The following TOGARAM1 variants were observed in gnomAD, a reference collection of about 807,000 sequenced individuals.
The protein encoded by TOGARAM1 is TOG array regulator of axonemal microtubules 1.
A neutral mutation model predicts 166.6 loss-of-function variants in TOGARAM1; 100 were observed. The ratio of observed to expected loss-of-function variants is 0.60; its 90% confidence interval spans 0.51 to 0.71. The LOEUF (loss-of-function observed/expected upper bound fraction) is 0.71, where lower values mean the gene tolerates loss of function less well. Ranked by LOEUF, TOGARAM1 falls within the 30% of genes least tolerant of loss-of-function variation. TOGARAM1 has a pLI of 0.00. For synonymous variants in TOGARAM1, 758 were observed against 763.8 expected, an observed-to-expected ratio of 0.99 and a Z score of 0.13; for missense variants, 2,029 against 2,102.7, an observed-to-expected ratio of 0.96 and a Z score of 0.69.
At chr14:45,054,637 T>A in intron 16 of TOGARAM1, 88 bp downstream of exon 16, 1 of 902,892 alleles carries the variant, frequency 1.1e-6, no homozygotes, top group South Asian at 1.8e-5. Flanking sequence ...ACCCCAGGGG[T>A]ATTTGCCAAA....
intron 8 of TOGARAM1, 79 bp downstream of exon 8, chr14:45,025,951 G>T: frequency 1.4e-6 from 1 of 698,026 alleles, no homozygotes; most frequent in Non-Finnish European, 2.4e-6. Context: ...GAATAGAAAA[G>T]AATGTGATTC....
chr14:45,034,554 C>T (rs917811754), intron 11 of TOGARAM1, among the ~76,000 whole-genome samples: 2 of 152,118 alleles, frequency 1.3e-5, no homozygotes, highest in African/African-American at 2.4e-5. Flanking sequence ...ATGTCAGGAG[C>T]ATATACAATG....
intron 7 of TOGARAM1, among the ~76,000 whole-genome samples, chr14:45,024,077 A>G (rs144905213): frequency 7.2e-5 from 11 of 152,276 alleles, no homozygotes; most frequent in African/African-American, 2.6e-4. Flanking sequence ...ATAATCTTGC[A>G]TCAGCTTAAT....
intron 1 of TOGARAM1, among the ~76,000 whole-genome samples, chr14:44,968,407 C>T (rs1245827609): frequency 6.6e-6 from 1 of 152,106 alleles, no homozygotes; most frequent in Non-Finnish European, 1.5e-5. Context: ...CTACAGGCAC[C>T]CGCCACCATG....
intron 1 of TOGARAM1, among the ~76,000 whole-genome samples, chr14:44,967,505 A>G (rs772600397): frequency 2.0e-5 from 3 of 152,212 alleles, no homozygotes; most frequent in Non-Finnish European, 4.4e-5. Flanking sequence ...TAAGTCTTTT[A>G]TCTATGTAAT....
intron 7 of TOGARAM1, among the ~76,000 whole-genome samples, chr14:45,014,392 T>C (rs1034996869): frequency 6.6e-6 from 1 of 152,176 alleles, no homozygotes; most frequent in African/African-American, 2.4e-5. Flanking sequence ...TGGTTAGAAA[T>C]CTGTATTTTT....
At chr14:45,027,192 A>G in intron 8 of TOGARAM1, 107 bp from the exon 9 acceptor site, 2 of 1,028,682 alleles carry the variant, frequency 1.9e-6, no homozygotes, top group South Asian at 1.5e-5. Flanking sequence ...TTTTCTTACT[A>G]ACTGTGTTGT....
At position 45,044,807 on chromosome 14, in the gene TOGARAM1, G is replaced by T; in HGVS notation, c.4091G>T (p.Arg1364Ile). The change falls in exon 13 of 20, where the codon AGA becomes ATA. Residue 1364 changes from arginine to isoleucine, a missense_variant. Physicochemically the swap from Arg to Ile is moderately conservative, Grantham distance 97. Around this residue, in one of 2 missense-constraint regions of TOGARAM1, gnomAD observed 576 missense variants for 670.5 expected, o/e 0.86. Coordinates refer to ENST00000361462, the MANE Select transcript of TOGARAM1 (RefSeq NM_001308120.2). Reference sequence around the variant, plus strand: ...AGAGAAGATGTTGACAAAGCATTGAGAGCTATGGTTAATAATGTAACTCCT... The same window carrying T: ...AGAGAAGATGTTGACAAAGCATTGATAGCTATGGTTAATAATGTAACTCCT... ...FIREDVDKALRAMVNNVTPAR... is the reference protein window; with the variant it reads ...FIREDVDKALIAMVNNVTPAR... 6.2e-7 allele frequency: 1 copy of T among 1,614,052 alleles called. No homozygotes were observed. Among genetic ancestry groups the T allele is most frequent in the Non-Finnish European group, 8.5e-7 (1 of 1,180,010 alleles).
chr14:45,045,939 T>A (rs1566661465), intron 13 of TOGARAM1, among the ~76,000 whole-genome samples: 1 of 151,790 alleles, frequency 6.6e-6, no homozygotes, highest in Non-Finnish European at 1.5e-5. Flanking sequence ...AAATGGTAGA[T>A]CTACTTTTAG....
chr14:45,053,032 CTTT>C (rs1177460413), intron 15 of TOGARAM1, among the ~76,000 whole-genome samples: 1 of 128,654 alleles, frequency 7.8e-6, no homozygotes, highest in Non-Finnish European at 1.7e-5. Context: ...AGTGCAATGT[CTTT>C]TTTTTTTTTT....
At position 44,963,229 on chromosome 14, in the gene TOGARAM1, G is replaced by C; in HGVS notation, c.808G>C (p.Glu270Gln). 1 of 1,614,192 alleles carries C rather than the reference G, an allele frequency of 6.2e-7. No individual in the cohort carries two copies. Among genetic ancestry groups the C allele is most frequent in the South Asian group, 1.1e-5 (1 of 91,088 alleles). Reference sequence around the variant, plus strand: ...CCGAAAGCTTGGTGATCAGGAGACAGAAGAAGAATCTGAGACAGCTTTCTC... The same window carrying C: ...CCGAAAGCTTGGTGATCAGGAGACACAAGAAGAATCTGAGACAGCTTTCTC... ...LARKLGDQET[E>Q]EESETAFSAL... Residue 270 changes from glutamate to glutamine, a missense_variant, in exon 1 of 20, where the codon GAA becomes CAA. Glu to Gln is a conservative substitution (Grantham distance 29). This residue lies in a region of TOGARAM1 where 1,453 missense variants were observed against 1,432.2 expected (regional missense o/e 1.01). Coordinates refer to ENST00000361462, the MANE Select transcript of TOGARAM1 (RefSeq NM_001308120.2).
chr14:44,983,107 G>T (rs559727608), intron 1 of TOGARAM1, among the ~76,000 whole-genome samples: 1 of 152,118 alleles, frequency 6.6e-6, no homozygotes, highest in African/African-American at 2.4e-5. Flanking sequence ...TAAACATGCC[G>T]ACTCTGTGTC....
chr14:45,036,035 C>A lies in TOGARAM1; in HGVS notation c.3812+3659C>A, dbSNP rs571498843. The stretch of plus-strand genomic sequence containing the variant: ...GTCCCAGCTAATCAGGAGGCTGAGG[C>A]AGAAGGATTGCCTGAATCCAGGGGT... On this transcript the variant is annotated intron_variant, in intron 11 of 19. Coordinates refer to ENST00000361462, the MANE Select transcript of TOGARAM1 (RefSeq NM_001308120.2). Among the ~76,000 whole-genome samples, 151 of 145,052 alleles carry A rather than the reference C, an allele frequency of 1.0e-3. 1 individual carries two copies. Among genetic ancestry groups the A allele is most frequent in the African/African-American group, 3.7e-3 (147 of 39,364 alleles).
At chr14:45,016,464 GAGGT>G (rs1880144210) in intron 7 of TOGARAM1, among the ~76,000 whole-genome samples, 1 of 152,176 alleles carries the variant, frequency 6.6e-6, no homozygotes, top group Admixed American at 6.5e-5. Context: ...GGCGGATCAC[GAGGT>G]CAGGAGTTCC....
At chr14:45,000,439 G>A (rs903772255) in intron 3 of TOGARAM1, among the ~76,000 whole-genome samples, 18 of 152,120 alleles carry the variant, frequency 1.2e-4, no homozygotes, top group Admixed American at 7.9e-4. Flanking sequence ...CCACATAGCA[G>A]TGAGAACATG....
At chr14:44,992,689 C>T (rs1441884903) in intron 1 of TOGARAM1, among the ~76,000 whole-genome samples, 1 of 142,656 alleles carries the variant, frequency 7.0e-6, no homozygotes, top group Non-Finnish European at 1.5e-5. Flanking sequence ...GCGATCCTGG[C>T]TCACTGCAAG....
rs376358743 is a variant in TOGARAM1, at chr14:44,963,165, G to C, written c.744G>C (p.Leu248Phe). 3 of 1,614,200 alleles carry C rather than the reference G, an allele frequency of 1.9e-6. No individual in the cohort carries two copies. In the East Asian group the frequency reaches 6.7e-5, roughly 36 times the overall value. ...LPILLTTEDL[L>F]LGLDLTEVII... ...TCTTGCTTACTACTGAGGACTTGTT[G>C]CTTGGTCTGGATCTCACCGAGGTGA... The change falls in exon 1 of 20, where the codon TTG (leucine) becomes TTC (phenylalanine). Residue 248 changes from leucine (L) to phenylalanine (F), a missense_variant. Physicochemically the swap from Leu to Phe is conservative, Grantham distance 22. Coordinates refer to ENST00000361462, the MANE Select transcript of TOGARAM1 (RefSeq NM_001308120.2).
Position 44,962,191 on chromosome 14 carries a change from C to A in TOGARAM1, c.-231C>A. ...ACCATGGAAGCAATCGGTTTGGTCA[C>A]GTGGTGCCCTTGGTTACGCCCGGTG... On this transcript the variant is annotated 5_prime_UTR_variant, in exon 1 of 20. Transcript: ENST00000361462. 2.0e-6 allele frequency: 1 copy of A among 494,650 alleles called. No individual in the cohort carries two copies. 30.6% of individuals were successfully genotyped at this position (494,650 alleles called of 1,614,324 possible). A position where few individuals can be genotyped will look rare whatever the true frequency, so the allele number is the denominator to read the frequency against.
intron 1 of TOGARAM1, among the ~76,000 whole-genome samples, chr14:44,973,288 A>G (rs1885995522): frequency 6.6e-6 from 1 of 151,522 alleles, no homozygotes; most frequent in South Asian, 2.1e-4. Context: ...AGAGTGTGTA[A>G]TACACATTTA....
Sources: allele counts gnomAD v4.1 joint callset (sites outside exome capture counted in the v4.1 genomes callset), GRCh38; gene constraint gnomAD v4.1.1; regional missense constraint gnomAD v4.1.1; transcripts MANE v1.5; gene names NCBI Gene and HGNC (gene_info 2026-07-23, HGNC 2026-07-21).